Variants in NFIB observed in about 807,000 individuals in gnomAD.
The protein encoded by NFIB is nuclear factor I B, also known as nuclear factor 1 B-type.
A neutral mutation model predicts 61.5 loss-of-function variants in NFIB; 11 were observed. The observed-to-expected ratio is 0.18, with a 90% CI of 0.11 to 0.30. NFIB has a LOEUF of 0.30. Ranked by LOEUF, NFIB falls within the 10% of genes least tolerant of loss-of-function variation. The pLI is 1.00. For synonymous variants in NFIB, 260 were observed against 216.5 expected, an observed-to-expected ratio of 1.20 and a Z score of -1.76; for missense variants, 471 against 608.9, an observed-to-expected ratio of 0.77 and a Z score of 2.38.
At chr9:14,309,531 T>C (rs536227307) in intron 1 of NFIB, among the ~76,000 whole-genome samples, 15 of 152,332 alleles carry the variant, frequency 9.8e-5, no homozygotes, top group African/African-American at 3.1e-4. Context: ...CAGCAGAGAT[T>C]TGAACAATTC....
chr9:14,233,421 C>CTTT (rs766595252), intron 2 of NFIB, among the ~76,000 whole-genome samples: 22 of 109,108 alleles, frequency 2.0e-4, no homozygotes, highest in African/African-American at 4.5e-4. Context: ...TGCTATTATT[C>CTTT]TTTTTTTTTT....
the NFIB span, among the ~76,000 whole-genome samples, chr9:14,417,609 A>T: frequency 6.6e-6 from 1 of 152,136 alleles, no homozygotes; most frequent in Non-Finnish European, 1.5e-5. Flanking sequence ...AAAGATATTG[A>T]AGTTTCTTTG....
intron 1 of NFIB, among the ~76,000 whole-genome samples, chr9:14,322,686 G>A (rs1341521923): frequency 6.6e-6 from 1 of 152,096 alleles, no homozygotes; most frequent in Non-Finnish European, 1.5e-5. Flanking sequence ...GGGCGGGCGC[G>A]CCGCGATGCA....
rs191814833 is a variant in NFIB, at chr9:14,149,341, T to C, written c.806+804A>G. ...CAGGTATCCTTTTATTTTTAAAAAG[T>C]TGACATTGTAAAATGAGTGTTTTGC... On this transcript the variant is annotated intron_variant, in intron 5 of 10. Transcript: ENST00000380953. Among the ~76,000 whole-genome samples the C allele has an allele frequency of 2.0e-5, 3 of 152,242 alleles. No individual in the cohort carries two copies. In the East Asian group the frequency reaches 5.8e-4, roughly 29 times the overall value.
chr9:14,432,206 C>A, the NFIB span, among the ~76,000 whole-genome samples: 2 of 152,320 alleles, frequency 1.3e-5, no homozygotes, highest in Admixed American at 6.5e-5. Flanking sequence ...AGGTAATCTC[C>A]TGCTGGAGAC....
At chr9:14,100,916 C>G (rs780783921) in intron 10 of NFIB, among the ~76,000 whole-genome samples, 2 of 152,068 alleles carry the variant, frequency 1.3e-5, no homozygotes, top group Non-Finnish European at 2.9e-5. Context: ...ATATGGTAAG[C>G]TTGTACGCAG....
intron 1 of NFIB, among the ~76,000 whole-genome samples, chr9:14,382,857 G>C (rs1221373508): frequency 6.6e-6 from 1 of 152,152 alleles, no homozygotes; most frequent in Non-Finnish European, 1.5e-5. Flanking sequence ...GGAAGAAAAA[G>C]CAAGCAAATA....
intron 1 of NFIB, among the ~76,000 whole-genome samples, chr9:14,393,672 G>C (rs1200645563): frequency 6.6e-6 from 1 of 152,186 alleles, no homozygotes; most frequent in East Asian, 1.9e-4. Context: ...AAATGAGCTT[G>C]CCTACCAGGA....
intron 2 of NFIB, among the ~76,000 whole-genome samples, chr9:14,209,882 AT>A (rs2050133081): frequency 6.8e-6 from 1 of 147,216 alleles, no homozygotes; most frequent in South Asian, 2.1e-4. Flanking sequence ...GCTTTTCCTG[AT>A]TATTTTTTTT....
the NFIB span, among the ~76,000 whole-genome samples, chr9:14,516,050 C>T: frequency 1.3e-5 from 2 of 152,226 alleles, no homozygotes; most frequent in South Asian, 2.1e-4. Context: ...GCACCTGCTC[C>T]GAGCCCTCAG....
At chr9:14,143,705 C>G (rs1402165685) in intron 6 of NFIB, among the ~76,000 whole-genome samples, 1 of 152,162 alleles carries the variant, frequency 6.6e-6, no homozygotes, top group East Asian at 1.9e-4. Flanking sequence ...AAAGCTATTT[C>G]AATGACTGGA....
intron 1 of NFIB, among the ~76,000 whole-genome samples, chr9:14,344,253 G>C (rs1202488750): frequency 1.3e-5 from 2 of 151,956 alleles, no homozygotes; most frequent in African/African-American, 4.8e-5. Flanking sequence ...CACACAGAGA[G>C]AAAGACAGAA....
intron 2 of NFIB, among the ~76,000 whole-genome samples, chr9:14,238,964 T>C (rs1338754709): frequency 2.0e-5 from 3 of 152,200 alleles, no homozygotes; most frequent in African/African-American, 4.8e-5. Context: ...CTAAACAGCA[T>C]AAGGTCAACT....
intron 2 of NFIB, among the ~76,000 whole-genome samples, chr9:14,277,512 A>G (rs1244624226): frequency 6.6e-6 from 1 of 152,254 alleles, no homozygotes; most frequent in Non-Finnish European, 1.5e-5. Context: ...TTTGGCAAGT[A>G]GCGACAATGG....
chr9:14,218,197 A>G (rs2051179209), intron 2 of NFIB, among the ~76,000 whole-genome samples: 1 of 152,266 alleles, frequency 6.6e-6, no homozygotes, highest in South Asian at 2.1e-4. Flanking sequence ...GAAAAAGGCC[A>G]GTTGTACAGG....
chr9:14,451,377 A>T, the NFIB span, among the ~76,000 whole-genome samples: 1 of 152,238 alleles, frequency 6.6e-6, no homozygotes. Flanking sequence ...CAAATATAGA[A>T]TAATATATTG....
intron 2 of NFIB, among the ~76,000 whole-genome samples, chr9:14,297,126 G>A (rs1036111824): frequency 6.6e-6 from 1 of 152,162 alleles, no homozygotes; most frequent in Admixed American, 6.5e-5. Flanking sequence ...TTCTTTCGAT[G>A]TAGGAACTGA....
chr9:14,140,568 A>G (rs1320801590), intron 6 of NFIB, among the ~76,000 whole-genome samples: 1 of 152,324 alleles, frequency 6.6e-6, no homozygotes, highest in East Asian at 1.9e-4. Context: ...TTGTTACAAA[A>G]AAACTTTGCA....
At chr9:14,302,440 G>A (rs2059798346) in intron 2 of NFIB, among the ~76,000 whole-genome samples, 1 of 152,006 alleles carries the variant, frequency 6.6e-6, no homozygotes, top group African/African-American at 2.4e-5. Context: ...TAACAATAAA[G>A]CAACAAAAGT....
Sources: gnomAD v4.1 joint callset for allele counts (sites outside exome capture counted in the v4.1 genomes callset) on GRCh38, gnomAD v4.1.1 for gene constraint, MANE v1.5 for transcripts, NCBI Gene and HGNC (gene_info 2026-07-23, HGNC 2026-07-21) for gene names.